The following MYO1E variants were observed in gnomAD, a reference collection of about 807,000 sequenced individuals.
MYO1E encodes the protein unconventional myosin-Ie.
MYO1E carries 68 observed loss-of-function variants against 151.1 expected under a neutral mutation model. That is an observed-to-expected ratio of 0.45 (90% CI 0.37 to 0.55). The LOEUF is 0.55. Among genes scored for constraint, MYO1E ranks in the 20% least tolerant of loss-of-function variants. The pLI, the probability that MYO1E is intolerant of heterozygous loss-of-function variation, is 0.00. For missense variants in MYO1E, 1,363 were observed against 1,389.3 expected, an observed-to-expected ratio of 0.98 and a Z score of 0.30; for synonymous variants, 601 against 501.7, an observed-to-expected ratio of 1.20 and a Z score of -2.64.
chr15:59,211,304 C>G (rs1566980179), intron 12 of MYO1E, among the ~76,000 whole-genome samples: 1 of 152,040 alleles, frequency 6.6e-6, no homozygotes, highest in African/African-American at 2.4e-5. Context: ...AACTTGAACA[C>G]CACAACACCA....
At chr15:59,312,347 G>A (rs1403873679) in intron 1 of MYO1E, among the ~76,000 whole-genome samples, 1 of 152,194 alleles carries the variant, frequency 6.6e-6, no homozygotes, top group Admixed American at 6.5e-5. Flanking sequence ...ATCAGGAAAG[G>A]TTCCGTGGAG....
At chr15:59,360,923 T>C (rs2080881414) in intron 1 of MYO1E, among the ~76,000 whole-genome samples, 1 of 152,078 alleles carries the variant, frequency 6.6e-6, no homozygotes, top group Non-Finnish European at 1.5e-5. Flanking sequence ...GCAGTCCTCT[T>C]CCACAGTGAC....
chr15:59,215,372 A>G (rs1378956728), intron 10 of MYO1E, among the ~76,000 whole-genome samples: 2 of 152,082 alleles, frequency 1.3e-5, no homozygotes, highest in South Asian at 2.1e-4. Flanking sequence ...TATTTTCCCA[A>G]TTTTCCACAT....
At chr15:59,282,775 G>A (rs1421933904) in intron 1 of MYO1E, among the ~76,000 whole-genome samples, 1 of 147,588 alleles carries the variant, frequency 6.8e-6, no homozygotes, top group Non-Finnish European at 1.5e-5. Flanking sequence ...TTAAGCTCAG[G>A]AGGTCAAGGC....
intron 1 of MYO1E, among the ~76,000 whole-genome samples, chr15:59,326,162 C>T (rs1462807952): frequency 6.6e-6 from 1 of 150,936 alleles, no homozygotes; most frequent in South Asian, 2.1e-4. Context: ...AAAAAAAAAA[C>T]CCAGACAGCT....
intron 5 of MYO1E, among the ~76,000 whole-genome samples, chr15:59,233,886 G>T (rs1356817224): frequency 1.7e-4 from 1 of 6,004 alleles, no homozygotes; most frequent in Admixed American, 3.6e-3. Flanking sequence ...CAAAGACTTA[G>T]TACCAAAAAA....
intron 1 of MYO1E, among the ~76,000 whole-genome samples, chr15:59,276,966 C>A (rs868681371): frequency 3.3e-5 from 5 of 152,198 alleles, no homozygotes; most frequent in African/African-American, 1.2e-4. Flanking sequence ...TCCCAGGGAG[C>A]ACTGTTCTTT....
rs765579954 is a variant in MYO1E, at chr15:59,138,243, C to T, written c.3205G>A (p.Glu1069Lys). The change falls in exon 27 of 28, where the codon GAA becomes AAA. Residue 1069 changes from glutamate to lysine, a missense_variant. Coordinates refer to ENST00000288235, the MANE Select transcript of MYO1E (RefSeq NM_004998.4). ...LYAYDAQDTD[E>K]LSFNANDIID... ...ATGTCATTGGCATTAAAGCTGAGTT[C>T]GTCTGTGTCCTGAGCGTCATAGGCA... 5 of 1,614,182 alleles carry T rather than the reference C, an allele frequency of 3.1e-6. No individual in the cohort carries two copies. Among genetic ancestry groups the T allele is most frequent in the South Asian group, 2.2e-5 (2 of 91,072 alleles).
At chr15:59,217,462 G>C (rs1364918399) in intron 10 of MYO1E, among the ~76,000 whole-genome samples, 8 of 147,340 alleles carry the variant, frequency 5.4e-5, no homozygotes, top group Non-Finnish European at 1.2e-4. Context: ...AGTGAAGTAA[G>C]GTAATGGGTG....
chr15:59,278,900 A>T lies in MYO1E; in HGVS notation c.4-6451T>A, dbSNP rs144677724. On this transcript the variant is annotated intron_variant, in intron 1 of 27. Transcript: ENST00000288235. ...TATTATAATTTCTGCACTATTTTAC[A>T]AATGGAGAAACTGAAGCTTGGGGTC... 4.0e-3 allele frequency among the ~76,000 whole-genome samples: 611 copies of T among 152,264 alleles called. 4 individuals are homozygous for T. Among genetic ancestry groups the T allele is most frequent in the Middle Eastern group, 6.8e-3 (2 of 294 alleles).
chr15:59,191,109 G>A (rs1248192023), intron 17 of MYO1E, among the ~76,000 whole-genome samples: 5 of 152,140 alleles, frequency 3.3e-5, no homozygotes. Flanking sequence ...ACAGAGCCAA[G>A]AGCCAGAAAT....
At chr15:59,315,035 G>A (rs1052429033) in intron 1 of MYO1E, among the ~76,000 whole-genome samples, 1 of 152,192 alleles carries the variant, frequency 6.6e-6, no homozygotes, top group Admixed American at 6.5e-5. Flanking sequence ...ATAAACGTAT[G>A]GGCCAAATAA....
intron 4 of MYO1E, among the ~76,000 whole-genome samples, chr15:59,239,032 C>A (rs1460426621): frequency 1.3e-5 from 2 of 150,574 alleles, no homozygotes; most frequent in Non-Finnish European, 3.0e-5. Context: ...ATGGTGAATC[C>A]CCGTCTCTAC....
chr15:59,364,033 C>G (rs570867980), intron 1 of MYO1E, among the ~76,000 whole-genome samples: 138 of 152,310 alleles, frequency 9.1e-4, no homozygotes, highest in African/African-American at 2.9e-3. Context: ...CCTCCTCGGC[C>G]TCCCAAAGTG....
At chr15:59,186,530 T>C (rs1280832723) in intron 18 of MYO1E, among the ~76,000 whole-genome samples, 11 of 151,870 alleles carry the variant, frequency 7.2e-5, no homozygotes, top group South Asian at 2.1e-4. Context: ...CTTTGGGAGG[T>C]TGAGGTGGGA....
At chr15:59,174,071 C>T in intron 20 of MYO1E, 55 bp downstream of exon 20, 1 of 1,525,566 alleles carries the variant, frequency 6.6e-7, no homozygotes, top group Non-Finnish European at 9.1e-7. Flanking sequence ...TTCACTTAAG[C>T]TCCAATTTAC....
chr15:59,331,447 A>T (rs1411447851), intron 1 of MYO1E, among the ~76,000 whole-genome samples: 1 of 152,214 alleles, frequency 6.6e-6, no homozygotes, highest in Non-Finnish European at 1.5e-5. Flanking sequence ...AACAACTGAG[A>T]ACCAAGAAAC....
Position 59,261,482 on chromosome 15 carries a change from C to T in MYO1E, c.175G>A (p.Val59Ile). 2 of 1,608,366 alleles carry T rather than the reference C, an allele frequency of 1.2e-6. No individual in the cohort carries two copies. The highest frequency in any genetic ancestry group is 1.7e-6 in the Non-Finnish European group (2 of 1,175,014). Reference sequence around the variant, plus strand: ...TATGGCATCTGCTTGAAAGGGTTGACTGAGATTAATACAGATCCTATATAT... The same window carrying T: ...TATGGCATCTGCTTGAAAGGGTTGATTGAGATTAATACAGATCCTATATAT... ...FTYIGSVLIS[V>I]NPFKQMPYFG... The change falls in exon 3 of 28, where the codon GTC (valine) becomes ATC (isoleucine). Residue 59 changes from valine (V) to isoleucine (I), a missense_variant. Physicochemically the swap from Val to Ile is conservative, Grantham distance 29. Coordinates refer to ENST00000288235, the MANE Select transcript of MYO1E (RefSeq NM_004998.4).
At chr15:59,295,089 G>A (rs2080441200) in intron 1 of MYO1E, among the ~76,000 whole-genome samples, 1 of 152,008 alleles carries the variant, frequency 6.6e-6, no homozygotes, top group Non-Finnish European at 1.5e-5. Flanking sequence ...AACTCTCCTT[G>A]TCCTAATAAA....
Sources: allele counts gnomAD v4.1 joint callset (sites outside exome capture counted in the v4.1 genomes callset), GRCh38; gene constraint gnomAD v4.1.1; transcripts MANE v1.5; gene names NCBI Gene and HGNC (gene_info 2026-07-23, HGNC 2026-07-21).